The following DNM3 variants were observed in gnomAD, a reference collection of about 807,000 sequenced individuals.
DNM3 encodes the protein dynamin 3.
A neutral mutation model predicts 101.6 loss-of-function variants in DNM3; 47 were observed. The observed-to-expected ratio is 0.46, with a 90% confidence interval of 0.37 to 0.59. The LOEUF is 0.59. DNM3 is among the 20% of genes least tolerant of loss of function. The pLI is 0.00. For missense variants in DNM3, 849 were observed against 1,085.7 expected (o/e 0.78, Z 3.06); for synonymous variants, 385 against 387.9 (o/e 0.99, Z 0.09).
chr1:172,000,392 C>T (rs1032822057), intron 4 of DNM3, among the ~76,000 whole-genome samples: 8 of 152,064 alleles, frequency 5.3e-5, no homozygotes, highest in African/African-American at 9.7e-5. Flanking sequence ...AACCTAAAGA[C>T]GTCAAAGACA....
At chr1:172,144,671 T>G (rs373119009) in intron 14 of DNM3, 1 of 521,516 alleles carries the variant, frequency 1.9e-6, no homozygotes, top group African/African-American at 1.9e-5. Flanking sequence ...CCTCTCCCGG[T>G]CCTCAGGAAA....
chr1:171,944,498 G>A (rs1429746037), intron 2 of DNM3, among the ~76,000 whole-genome samples: 1 of 151,492 alleles, frequency 6.6e-6, no homozygotes, highest in East Asian at 2.0e-4. Flanking sequence ...ACTACCCGCT[G>A]CAGTGGCTGG....
intron 17 of DNM3, among the ~76,000 whole-genome samples, chr1:172,365,425 T>C (rs2067962694): frequency 6.6e-6 from 1 of 151,956 alleles, no homozygotes; most frequent in South Asian, 2.1e-4. Context: ...AATAAAAATA[T>C]TTTTAAAGTA....
At chr1:171,846,925 G>A (rs1250551605) in intron 1 of DNM3, among the ~76,000 whole-genome samples, 4 of 152,162 alleles carry the variant, frequency 2.6e-5, no homozygotes, top group African/African-American at 9.7e-5. Context: ...TTCCTTACCT[G>A]TTTCCATATC....
At chr1:171,990,365 T>G (rs559544564) in intron 4 of DNM3, among the ~76,000 whole-genome samples, 1 of 152,272 alleles carries the variant, frequency 6.6e-6, no homozygotes, top group East Asian at 1.9e-4. Flanking sequence ...ATGGAGTAAC[T>G]GTGCTGAGAG....
At chr1:172,232,050 A>G (rs538755802) in intron 14 of DNM3, among the ~76,000 whole-genome samples, 1 of 152,296 alleles carries the variant, frequency 6.6e-6, no homozygotes, top group Non-Finnish European at 1.5e-5. Flanking sequence ...TATTAACCTT[A>G]AATGTAAATG....
intron 1 of DNM3, among the ~76,000 whole-genome samples, chr1:171,901,140 T>C (rs1234027946): frequency 5.6e-5 from 6 of 107,752 alleles, no homozygotes; most frequent in Admixed American, 1.9e-4. Flanking sequence ...AAGAAAGAAA[T>C]CTATGAAGTT....
At position 171,953,595 on chromosome 1, in the gene DNM3, T is replaced by C. The variant is rs184911163; in HGVS notation, c.235+31774T>C. On this transcript the variant is annotated intron_variant, in intron 2 of 20. Transcript: ENST00000627582. ...GGCACATGCCATGATGCTTGGCTAA[T>C]TTTTTGTATTTTTAGTAGAGATGGG... Among the ~76,000 whole-genome samples, 363 of 151,966 alleles carry C rather than the reference T, an allele frequency of 2.4e-3. 6 individuals carry two copies. Among genetic ancestry groups the C allele is most frequent in the African/African-American group, 7.8e-3 (324 of 41,482 alleles).
intron 14 of DNM3, among the ~76,000 whole-genome samples, chr1:172,233,047 A>C (rs2061398373): frequency 1.3e-5 from 2 of 152,218 alleles, no homozygotes; most frequent in African/African-American, 4.8e-5. Context: ...TCAGAGCAGA[A>C]CTGAAGGAGA....
At chr1:172,327,653 T>C (rs145775114) in intron 17 of DNM3, among the ~76,000 whole-genome samples, 148 of 152,296 alleles carry the variant, frequency 9.7e-4, no homozygotes, top group Admixed American at 2.7e-3. Context: ...ATTATTTTAT[T>C]TCAATAATGT....
intron 13 of DNM3, among the ~76,000 whole-genome samples, chr1:172,113,088 G>T (rs1198704841): frequency 6.6e-6 from 1 of 152,122 alleles, no homozygotes; most frequent in Non-Finnish European, 1.5e-5. Flanking sequence ...TTTACTGAAA[G>T]TATAGTTTGA....
At chr1:171,902,482 T>G (rs564343630) in intron 1 of DNM3, among the ~76,000 whole-genome samples, 1 of 152,334 alleles carries the variant, frequency 6.6e-6, no homozygotes, top group African/African-American at 2.4e-5. Context: ...ATCAAGAGTC[T>G]GAAATCTAGA....
chr1:172,413,438 A>G (rs1001490081), downstream of DNM3, among the ~76,000 whole-genome samples: 3 of 152,160 alleles, frequency 2.0e-5, no homozygotes, highest in Admixed American at 6.6e-5. Flanking sequence ...CATGTTAGCC[A>G]GGATGGTCTC....
At chr1:172,043,343 T>C (rs1459511441) in intron 8 of DNM3, among the ~76,000 whole-genome samples, 1 of 152,104 alleles carries the variant, frequency 6.6e-6, no homozygotes, top group Non-Finnish European at 1.5e-5. Context: ...CTGTTTTGGA[T>C]GTGCTAAGCG....
Position 171,987,666 on chromosome 1 carries a change from G to C in DNM3, c.246G>C (p.Glu82Asp). The change falls in exon 3 of 21, where the codon GAG becomes GAC. Residue 82 changes from glutamate (E) to aspartate (D), a missense_variant. Transcript: ENST00000627582. ...QLVTSKAEYA[E>D]FLHCKGKKFT... is the part of the protein sequence containing the mutation. ...GTTTTATTTTTGTAGAATATGCCGAGTTTCTACATTGCAAAGGAAAGAAAT... is the reference window on the plus strand; with the variant it reads ...GTTTTATTTTTGTAGAATATGCCGACTTTCTACATTGCAAAGGAAAGAAAT... 6.3e-7 allele frequency: 1 copy of C among 1,581,496 alleles called. No individual in the cohort carries two copies. The highest frequency in any genetic ancestry group is 8.6e-7 in the Non-Finnish European group (1 of 1,167,582).
intron 15 of DNM3, among the ~76,000 whole-genome samples, chr1:172,294,719 C>G (rs2064074352): frequency 6.6e-6 from 1 of 152,032 alleles, no homozygotes; most frequent in Non-Finnish European, 1.5e-5. Context: ...TCGAGACCAG[C>G]CTAGACAATC....
intron 16 of DNM3, among the ~76,000 whole-genome samples, chr1:172,314,149 C>T (rs2065204450): frequency 6.6e-6 from 1 of 152,174 alleles, no homozygotes; most frequent in South Asian, 2.1e-4. Context: ...AATAAAGACA[C>T]ATGCACACGT....
At chr1:171,920,017 C>T (rs968862303) in intron 1 of DNM3, among the ~76,000 whole-genome samples, 9 of 152,172 alleles carry the variant, frequency 5.9e-5, no homozygotes, top group African/African-American at 2.2e-4. Context: ...TCACTATTTT[C>T]TATTGTAGTC....
intron 15 of DNM3, among the ~76,000 whole-genome samples, chr1:172,296,136 T>C (rs1307538107): frequency 3.3e-5 from 5 of 152,344 alleles, no homozygotes; most frequent in Admixed American, 3.3e-4. Flanking sequence ...TAAATATCTA[T>C]GGAATACCTA....
Sources: allele counts gnomAD v4.1 joint callset (sites outside exome capture counted in the v4.1 genomes callset), GRCh38; gene constraint gnomAD v4.1.1; transcripts MANE v1.5; gene names NCBI Gene and HGNC (gene_info 2026-07-23, HGNC 2026-07-21).